SYN3: variants seen among roughly 807,000 people sequenced by gnomAD.
SYN3 encodes synapsin-3.
Under a neutral mutation model 65.8 loss-of-function variants are expected in SYN3, and 35 were observed. That is an observed-to-expected ratio of 0.53 (90% confidence interval 0.41 to 0.70). SYN3 has a LOEUF of 0.70. Ranked by LOEUF, SYN3 falls within the 30% of genes least tolerant of loss-of-function variation. The pLI, the probability that SYN3 is intolerant of heterozygous loss-of-function variation, is 0.00. For missense variants in SYN3, 680 were observed against 749.0 expected, an observed-to-expected ratio of 0.91 and a Z score of 1.08; for synonymous variants, 270 against 292.9, an observed-to-expected ratio of 0.92 and a Z score of 0.80.
intron 6 of SYN3, among the ~76,000 whole-genome samples, chr22:32,845,857 G>GC (rs2048046520): frequency 6.6e-6 from 1 of 152,192 alleles, no homozygotes; most frequent in South Asian, 2.1e-4. Flanking sequence ...GTTCCCTGTG[G>GC]CCCCTGGGCC....
rs1392174984 is a variant in SYN3 at position 32,513,000 on chromosome 22, CTGAGTA to C, written c.*686_*691del. ...TGGCTGTCCAAATAAGAATAATGCT[CTGAGTA>C]TGAGTGGCATTACAAGGGCCCCCCT... On this transcript the variant is annotated 3_prime_UTR_variant, in exon 14 of 14. Coordinates refer to ENST00000358763, the MANE Select transcript of SYN3 (RefSeq NM_003490.4). The C allele has an allele frequency of 3.9e-5, 6 of 152,200 alleles. No homozygotes were observed. The East Asian group carries it at 7.7e-4, about 20-fold the overall frequency. 9.4% of individuals were successfully genotyped at this position (152,200 alleles called of 1,614,324 possible). A position where few individuals can be genotyped will look rare whatever the true frequency, so the allele number is the denominator to read the frequency against.
At chr22:32,872,696 C>T (rs2048880256) in intron 4 of SYN3, among the ~76,000 whole-genome samples, 1 of 152,174 alleles carries the variant, frequency 6.6e-6, no homozygotes, top group African/African-American at 2.4e-5. Flanking sequence ...TTAAGCTGGG[C>T]AACCTGTGGC....
At chr22:32,716,064 G>A (rs1284596112) in intron 6 of SYN3, among the ~76,000 whole-genome samples, 1 of 152,164 alleles carries the variant, frequency 6.6e-6, no homozygotes, top group Non-Finnish European at 1.5e-5. Flanking sequence ...AGGAGAGAAA[G>A]GATGCTGCAA....
At chr22:33,034,830 A>T (rs766179108) in intron 1 of SYN3, among the ~76,000 whole-genome samples, 1 of 152,110 alleles carries the variant, frequency 6.6e-6, no homozygotes, top group Non-Finnish European at 1.5e-5. Flanking sequence ...TGTCTAGTCT[A>T]TCTCGAGATG....
At chr22:32,903,260 G>A (rs920727921) in intron 4 of SYN3, among the ~76,000 whole-genome samples, 1 of 152,102 alleles carries the variant, frequency 6.6e-6, no homozygotes, top group African/African-American at 2.4e-5. Flanking sequence ...GGGTTGTTTT[G>A]AAGACTAAAT....
At position 32,858,111 on chromosome 22, in the gene SYN3, T is replaced by C. The variant is rs2048424733; in HGVS notation, c.711+6804A>G. On this transcript the variant is annotated intron_variant, in intron 6 of 13. Transcript: ENST00000358763. ...TCTCCCAGCGCAAGGGGCTGAACTATCGGTATCACCTGGGTTGTAACTGCA... is the reference window on the plus strand; with the variant it reads ...TCTCCCAGCGCAAGGGGCTGAACTACCGGTATCACCTGGGTTGTAACTGCA... 1.9e-6 allele frequency: 3 copies of C among 1,614,148 alleles called. No individual in the cohort carries two copies. In the South Asian group the frequency reaches 3.3e-5, roughly 18 times the overall value.
chr22:32,809,287 T>C (rs1174778594), intron 6 of SYN3, among the ~76,000 whole-genome samples: 1 of 152,202 alleles, frequency 6.6e-6, no homozygotes, highest in African/African-American at 2.4e-5. Flanking sequence ...GCTACAACTT[T>C]TTAGACTTGG....
At chr22:32,930,216 T>G (rs965732232) in intron 4 of SYN3, among the ~76,000 whole-genome samples, 3 of 152,166 alleles carry the variant, frequency 2.0e-5, no homozygotes, top group Admixed American at 1.3e-4. Flanking sequence ...GGGAGGGACC[T>G]GGTGGGAGGT....
At chr22:32,908,074 G>A (rs1389228681) in intron 4 of SYN3, among the ~76,000 whole-genome samples, 1 of 151,982 alleles carries the variant, frequency 6.6e-6, no homozygotes, top group Non-Finnish European at 1.5e-5. Flanking sequence ...CACACTCCAA[G>A]AGGCCATACC....
At chr22:32,811,225 C>T (rs1054213376) in intron 6 of SYN3, among the ~76,000 whole-genome samples, 2 of 152,094 alleles carry the variant, frequency 1.3e-5, no homozygotes, top group African/African-American at 2.4e-5. Context: ...GATAAGCAGA[C>T]TGAGGGGGGC....
At chr22:32,910,714 T>A (rs1213888993) in intron 4 of SYN3, among the ~76,000 whole-genome samples, 1 of 152,204 alleles carries the variant, frequency 6.6e-6, no homozygotes, top group African/African-American at 2.4e-5. Flanking sequence ...ACTGAATAGC[T>A]AACCTCTCAG....
intron 4 of SYN3, among the ~76,000 whole-genome samples, chr22:32,873,054 A>AGT (rs2048892879): frequency 6.6e-6 from 1 of 150,532 alleles, no homozygotes; most frequent in South Asian, 2.1e-4. Context: ...AGGTTCAGGC[A>AGT]GTTCTCCTGT....
At chr22:32,615,968 C>G (rs1311290280) in intron 6 of SYN3, among the ~76,000 whole-genome samples, 1 of 152,226 alleles carries the variant, frequency 6.6e-6, no homozygotes, top group Non-Finnish European at 1.5e-5. Flanking sequence ...TGGCTGAAAG[C>G]CAAGCTGCAA....
intron 6 of SYN3, among the ~76,000 whole-genome samples, chr22:32,800,159 A>T (rs2145920284): frequency 6.6e-6 from 1 of 152,354 alleles, no homozygotes; most frequent in Non-Finnish European, 1.5e-5. Context: ...CTTGTCTGAG[A>T]TGTAAACAGA....
Position 32,885,657 on chromosome 22 carries a change from T to A in SYN3, c.462-16532A>T, listed in dbSNP as rs559881561. 3.3e-5 allele frequency among the ~76,000 whole-genome samples: 5 copies of A among 152,068 alleles called. No individual in the cohort carries two copies. The East Asian group carries it at 9.7e-4, about 29-fold the overall frequency. On this transcript the variant is annotated intron_variant, in intron 4 of 13. Coordinates refer to ENST00000358763, the MANE Select transcript of SYN3 (RefSeq NM_003490.4). ...CTCACCACAATCTCCACCTCCTGGG[T>A]TCAATCGATTCTCCTGCCTCAGCCT...
intron 6 of SYN3, among the ~76,000 whole-genome samples, chr22:32,695,233 T>C (rs912169743): frequency 1.3e-5 from 2 of 152,228 alleles, no homozygotes; most frequent in African/African-American, 4.8e-5. Context: ...TTATTTCTCC[T>C]TTTCTTTCAT....
intron 6 of SYN3, among the ~76,000 whole-genome samples, chr22:32,832,691 T>C (rs1314488430): frequency 6.6e-6 from 1 of 152,006 alleles, no homozygotes; most frequent in Non-Finnish European, 1.5e-5. Context: ...TTTTATTTTA[T>C]TTTATTTTAT....
At chr22:32,682,868 T>C (rs995837814) in intron 6 of SYN3, among the ~76,000 whole-genome samples, 2 of 152,140 alleles carry the variant, frequency 1.3e-5, no homozygotes, top group Middle Eastern at 3.2e-3. Context: ...GTGGTACCCA[T>C]GTGTTATCAT....
chr22:32,796,102 G>C (rs1358674766), intron 6 of SYN3, among the ~76,000 whole-genome samples: 4 of 152,146 alleles, frequency 2.6e-5, no homozygotes, highest in Admixed American at 2.6e-4. Context: ...TGAACTCCAC[G>C]GGCATAAGGA....
Sources: allele counts gnomAD v4.1 joint callset (sites outside exome capture counted in the v4.1 genomes callset), GRCh38; gene constraint gnomAD v4.1.1; transcripts MANE v1.5; gene names NCBI Gene and HGNC (gene_info 2026-07-23, HGNC 2026-07-21).